Variants in GRIN2A observed in about 807,000 individuals in gnomAD.
GRIN2A encodes the protein glutamate receptor ionotropic, NMDA 2A.
In GRIN2A, 22 loss-of-function variants were observed where a neutral mutation model predicts 113.4. The ratio of observed to expected loss-of-function variants is 0.19; its 90% CI spans 0.14 to 0.28. The LOEUF (loss-of-function observed/expected upper bound fraction) is 0.28. GRIN2A is among the 10% of genes least tolerant of loss of function. GRIN2A has a pLI of 1.00. For synonymous variants in GRIN2A, 827 were observed against 738.4 expected (o/e 1.12, Z -1.94); for missense variants, 1,502 against 1,887.0 (o/e 0.80, Z 3.78).
chr16:9,822,492 G>C lies in GRIN2A; in HGVS notation c.2008-68C>G, dbSNP rs993652308. ...AAGAGAAGGGAGGAGGGGGAGGAGA[G>C]AACAAATAATAAATTAGTGATCATT... On this transcript the variant is annotated intron_variant, in intron 9 of 12. Coordinates refer to ENST00000330684, the MANE Select transcript of GRIN2A (RefSeq NM_001134407.3). 13 of 1,021,974 alleles carry C rather than the reference G, an allele frequency of 1.3e-5. No homozygotes were observed. The Admixed American group carries it at 1.4e-4, about 11-fold the overall frequency. 63.3% of individuals were successfully genotyped at this position (1,021,974 alleles called of 1,614,324 possible).
intron 10 of GRIN2A, among the ~76,000 whole-genome samples, chr16:9,816,727 T>G (rs577724352): frequency 6.6e-6 from 1 of 152,192 alleles, no homozygotes; most frequent in East Asian, 1.9e-4. Flanking sequence ...TTCTTAAAAT[T>G]TGATTAGGGC....
intron 2 of GRIN2A, among the ~76,000 whole-genome samples, chr16:10,016,174 G>C (rs1481607424): frequency 6.6e-6 from 1 of 150,962 alleles, no homozygotes; most frequent in African/African-American, 2.4e-5. Context: ...GGGAAACCCA[G>C]GGTAATGTAA....
chr16:10,039,808 G>GAGAAAGAGAGAGAGAGAGAGAGAGAGA (rs373952509), intron 2 of GRIN2A, among the ~76,000 whole-genome samples: 1 of 63,824 alleles, frequency 1.6e-5, no homozygotes, highest in Non-Finnish European at 2.9e-5. Context: ...GGGAGGGGGG[G>GAGAAAGAGAGAGAGAGAGAGAGAGAGA]GAGAAAGAGA....
intron 2 of GRIN2A, among the ~76,000 whole-genome samples, chr16:9,969,533 G>C (rs759396889): frequency 2.6e-5 from 4 of 152,108 alleles, no homozygotes; most frequent in Non-Finnish European, 5.9e-5. Context: ...TAAAGAACTG[G>C]ATGTTCATGG....
chr16:9,945,138 C>T (rs2044987638), intron 2 of GRIN2A, among the ~76,000 whole-genome samples: 1 of 151,984 alleles, frequency 6.6e-6, no homozygotes, highest in Non-Finnish European at 1.5e-5. Flanking sequence ...CTGGCCAACC[C>T]CAGAGTAAGA....
chr16:9,791,562 G>T (rs1902606992), intron 11 of GRIN2A, among the ~76,000 whole-genome samples: 1 of 152,170 alleles, frequency 6.6e-6, no homozygotes, highest in African/African-American at 2.4e-5. Flanking sequence ...TGAGCTGTGG[G>T]ACTGTCCAGC....
chr16:9,909,643 C>T (rs2044095349), intron 3 of GRIN2A, among the ~76,000 whole-genome samples: 1 of 151,918 alleles, frequency 6.6e-6, no homozygotes, highest in African/African-American at 2.4e-5. Context: ...AATTGATTGC[C>T]AAGAGGATCC....
chr16:9,842,939 G>T (rs1171521991), intron 5 of GRIN2A, among the ~76,000 whole-genome samples: 2 of 134,480 alleles, frequency 1.5e-5, no homozygotes, highest in East Asian at 4.0e-4. Context: ...GAGAGAAAGA[G>T]AGAAAGAAAG....
At chr16:10,002,350 G>A (rs1033024463) in intron 2 of GRIN2A, among the ~76,000 whole-genome samples, 1 of 152,146 alleles carries the variant, frequency 6.6e-6, no homozygotes, top group African/African-American at 2.4e-5. Flanking sequence ...TCCAACTAAG[G>A]GACAAGAAGA....
At chr16:9,782,232 C>T (rs547119525) in intron 11 of GRIN2A, among the ~76,000 whole-genome samples, 54 of 152,152 alleles carry the variant, frequency 3.5e-4, no homozygotes, top group Non-Finnish European at 4.7e-4. Context: ...CTAAACCATA[C>T]GGTGTAACAA....
At chr16:9,924,941 T>C (rs2044428423) in intron 3 of GRIN2A, among the ~76,000 whole-genome samples, 1 of 152,212 alleles carries the variant, frequency 6.6e-6, no homozygotes, top group East Asian at 1.9e-4. Flanking sequence ...TTACTCTCTA[T>C]AGTAATAGCC....
rs573997322 is a variant in GRIN2A at position 9,951,474 on chromosome 16, G to A, written c.415-12923C>T. On this transcript the variant is annotated intron_variant, in intron 2 of 12. Coordinates refer to ENST00000330684, the MANE Select transcript of GRIN2A (RefSeq NM_001134407.3). Reference sequence around the variant, plus strand: ...TGTGTTTGTGTATGTGCGCACAGGCGTGCATGTCAAAAAGCTAATATCTGT... The same window carrying A: ...TGTGTTTGTGTATGTGCGCACAGGCATGCATGTCAAAAAGCTAATATCTGT... 1.9e-4 allele frequency among the ~76,000 whole-genome samples: 29 copies of A among 152,286 alleles called. No individual in the cohort carries two copies. In the South Asian group the frequency reaches 4.2e-3, roughly 22 times the overall value.
chr16:9,756,212 A>G lies in GRIN2A; in HGVS notation c.*6937T>C. 3 of 227,594 alleles carry G rather than the reference A, an allele frequency of 1.3e-5. No individual in the cohort carries two copies. The highest frequency in any genetic ancestry group is 2.6e-5 in the Non-Finnish European group (3 of 114,384). 14.1% of individuals were successfully genotyped at this position (227,594 alleles called of 1,614,324 possible). On this transcript the variant is annotated 3_prime_UTR_variant, in exon 13 of 13. Coordinates refer to ENST00000330684, the MANE Select transcript of GRIN2A (RefSeq NM_001134407.3). ...GAATTAGCCCTGATGTTGACTGATA[A>G]AAAGATGAGACATTAGGAAAGAGAT...
rs75435257 is a variant in GRIN2A at position 10,164,496 on chromosome 16, G to A, written c.414+15502C>T. Among the ~76,000 whole-genome samples the A allele has an allele frequency of 7.9e-5, 12 of 152,180 alleles. No homozygotes were observed. In the South Asian group the frequency reaches 1.9e-3, roughly 24 times the overall value. On this transcript the variant is annotated intron_variant, in intron 2 of 12. Transcript: ENST00000330684. ...GAACATGACTCCAGCCCAATTGGAC[G>A]TGAGTCTCTACCTAGACTCCTGGCA... is the stretch of plus-strand genomic sequence containing the variant.
chr16:9,935,360 T>G (rs2044688289), intron 3 of GRIN2A, among the ~76,000 whole-genome samples: 1 of 152,096 alleles, frequency 6.6e-6, no homozygotes, highest in South Asian at 2.1e-4. Flanking sequence ...GGACAATTAT[T>G]TAAAATGCTG....
At chr16:10,059,736 AAC>A (rs1259429962) in intron 2 of GRIN2A, among the ~76,000 whole-genome samples, 8 of 150,850 alleles carry the variant, frequency 5.3e-5, no homozygotes, top group African/African-American at 9.9e-5. Context: ...AAAAAAAAAA[AAC>A]AAACAAGATT....
At chr16:10,039,765 G>GGAGGGAGAGGGTGGGGGA (rs2047108874) in intron 2 of GRIN2A, among the ~76,000 whole-genome samples, 1 of 112,902 alleles carries the variant, frequency 8.9e-6, no homozygotes, top group Non-Finnish European at 1.9e-5. Context: ...AATGTGCAAG[G>GGAGGGAGAGGGTGGGGGA]GAGGGAGAGG....
At position 10,010,614 on chromosome 16, in the gene GRIN2A, T is replaced by C. The variant is rs574867726; in HGVS notation, c.415-72063A>G. On this transcript the variant is annotated intron_variant, in intron 2 of 12. Transcript: ENST00000330684. Reference sequence around the variant, plus strand: ...ACTTTATAGGTACTTCATAGGTTCATAAATGCTTCCCACCGTTATTATTGC... The same window carrying C: ...ACTTTATAGGTACTTCATAGGTTCACAAATGCTTCCCACCGTTATTATTGC... Among the ~76,000 whole-genome samples, 59 of 152,284 alleles carry C rather than the reference T, an allele frequency of 3.9e-4. No homozygotes were observed. The South Asian group carries it at 0.012, about 32-fold the overall frequency.
intron 11 of GRIN2A, 63 bp downstream of exon 11, chr16:9,798,214 G>C: frequency 7.4e-7 from 1 of 1,349,506 alleles, no homozygotes; most frequent in Non-Finnish European, 1.1e-6. Flanking sequence ...AAGCCCAGGA[G>C]CAAACAAAGC....
Sources: gnomAD v4.1 joint callset for allele counts (sites outside exome capture counted in the v4.1 genomes callset) on GRCh38, gnomAD v4.1.1 for gene constraint, MANE v1.5 for transcripts, NCBI Gene and HGNC (gene_info 2026-07-23, HGNC 2026-07-21) for gene names.